Variants in COMMD8 observed in about 807,000 individuals in gnomAD.
COMMD8 encodes the protein COMM domain-containing protein 8.
A neutral mutation model predicts 27.2 loss-of-function variants in COMMD8; 28 were observed. The observed-to-expected ratio is 1.03, with a 90% CI of 0.76 to 1.41. COMMD8 has a LOEUF of 1.41. Ranked by LOEUF, COMMD8 falls within the 40% of genes most tolerant of loss-of-function variation. The pLI is 0.00. For missense variants in COMMD8, 217 were observed against 211.2 expected, an observed-to-expected ratio of 1.03 and a Z score of -0.17; for synonymous variants, 79 against 75.5, an observed-to-expected ratio of 1.05 and a Z score of -0.24.
At chr4:47,460,395 T>C (rs1379911264) in intron 1 of COMMD8, 96 bp from the exon 2 acceptor site, 11 of 976,358 alleles carry the variant, frequency 1.1e-5, no homozygotes, top group Non-Finnish European at 1.7e-5. Context: ...ATGTTCATGT[T>C]ATCTGCAAGA....
intron 3 of COMMD8, among the ~76,000 whole-genome samples, chr4:47,454,177 T>C (rs10031409): frequency 0.043 from 6,576 of 152,300 alleles, 456 homozygotes; most frequent in African/African-American, 0.15. Context: ...TGTGCTACCT[T>C]GAGAAGCGGT....
chr4:47,463,020 A>G (rs1215912365), intron 1 of COMMD8, among the ~76,000 whole-genome samples: 2 of 152,216 alleles, frequency 1.3e-5, no homozygotes, highest in African/African-American at 4.8e-5. Context: ...GACTTCAATG[A>G]AAAACTGGCT....
chr4:47,463,438 C>CG (rs1730119524), intron 1 of COMMD8, 148 bp downstream of exon 1: 1 of 730,450 alleles, frequency 1.4e-6, no homozygotes, highest in Non-Finnish European at 2.2e-6. Flanking sequence ...CCAGGGAAGG[C>CG]GGGGACCAAC....
intron 3 of COMMD8, among the ~76,000 whole-genome samples, chr4:47,455,515 G>T (rs532122553): frequency 1.3e-5 from 2 of 152,002 alleles, no homozygotes; most frequent in Non-Finnish European, 2.9e-5. Context: ...CTCTAGTTTT[G>T]TATCACCTTC....
Position 47,458,083 on chromosome 4 carries a change from T to TA in COMMD8, c.223-1355dup, listed in dbSNP as rs547591115. Among the ~76,000 whole-genome samples, 4 of 152,194 alleles carry TA rather than the reference T, an allele frequency of 2.6e-5. No individual in the cohort carries two copies. In the East Asian group the frequency reaches 7.7e-4, roughly 29 times the overall value. ...CATAAAATTCAATATCCATTCATGG[T>TA]AAAAATTCTCAGCAAAGTTAGAATT... On this transcript the variant is annotated intron_variant, in intron 2 of 4. Coordinates refer to ENST00000381571, the MANE Select transcript of COMMD8 (RefSeq NM_017845.5).
chr4:47,452,880 C>A (rs1462758383), intron 4 of COMMD8, among the ~76,000 whole-genome samples, 179 bp downstream of exon 4: 1 of 152,164 alleles, frequency 6.6e-6, no homozygotes, highest in Non-Finnish European at 1.5e-5. Flanking sequence ...TCTGTAATCT[C>A]AGCTAGTCTG....
At chr4:47,453,026 A>C (rs755896795) in intron 4 of COMMD8, 33 bp downstream of exon 4, 1 of 1,569,034 alleles carries the variant, frequency 6.4e-7, no homozygotes, top group South Asian at 1.2e-5. Context: ...AACCTTAAAC[A>C]TTCAAATCAT....
intron 3 of COMMD8, 134 bp from the exon 4 acceptor site, chr4:47,453,348 AAATT>A: frequency 1.5e-6 from 1 of 648,712 alleles, no homozygotes; most frequent in Non-Finnish European, 2.6e-6. Context: ...TGAAAGAAAT[AAATT>A]AAGTCCATGC....
Position 47,463,589 on chromosome 4 carries a change from C to G in COMMD8, c.63G>C (p.Pro21=), listed in dbSNP as rs751806846. ...TTCCCCCGGTACCCGCCCTCACCTG[C>G]GGGCCCAGCTCGGCCGGCAGCTTCT... is the stretch of plus-strand genomic sequence containing the variant. ...RLQKLPAELG[P]QLLHKIIDGI... The change falls in exon 1 of 5, where the codon CCG becomes CCC. Residue 21 remains proline, a synonymous_variant. Transcript: ENST00000381571. 7 of 1,545,046 alleles carry G rather than the reference C, an allele frequency of 4.5e-6. No individual in the cohort carries two copies. Among genetic ancestry groups the G allele is most frequent in the Non-Finnish European group, 5.2e-6 (6 of 1,146,010 alleles).
chr4:47,463,690 TG>T lies in COMMD8; in HGVS notation c.-40del. 1 of 1,523,364 alleles carries T rather than the reference TG, an allele frequency of 6.6e-7. No homozygotes were observed. Among genetic ancestry groups the T allele is most frequent in the South Asian group, 1.2e-5 (1 of 81,972 alleles). 94.4% of individuals were successfully genotyped at this position (1,523,364 alleles called of 1,614,324 possible). A position where few individuals can be genotyped will look rare whatever the true frequency, so the allele number is the denominator to read the frequency against. ...TGGGGCTTGGGTCACGTGTCAAGGC[TG>T]GCCGCTTGTCTAAAGCTACGACTCG... On this transcript the variant is annotated 5_prime_UTR_variant, in exon 1 of 5. Coordinates refer to ENST00000381571, the MANE Select transcript of COMMD8 (RefSeq NM_017845.5).
intron 4 of COMMD8, 54 bp from the exon 5 acceptor site, chr4:47,451,719 A>G (rs1411230333): frequency 1.5e-6 from 2 of 1,352,746 alleles, no homozygotes; most frequent in Non-Finnish European, 1.0e-6. Flanking sequence ...TGATGCTGAT[A>G]TATTCCATAT....
intron 1 of COMMD8, among the ~76,000 whole-genome samples, chr4:47,460,585 T>C (rs947935597): frequency 6.6e-6 from 1 of 152,348 alleles, no homozygotes; most frequent in Admixed American, 6.5e-5. Flanking sequence ...TCCATATTTA[T>C]AGCAACGACC....
intron 2 of COMMD8, among the ~76,000 whole-genome samples, chr4:47,457,263 C>A (rs756808090): frequency 6.6e-6 from 1 of 152,068 alleles, no homozygotes; most frequent in Non-Finnish European, 1.5e-5. Flanking sequence ...AAATAGAGAA[C>A]GACAGTAAAA....
rs556448793 is a variant in COMMD8 at position 47,454,241 on chromosome 4, T to C, written c.376-1027A>G. ...TTAAAAAGTTCTTCCCCAGGTTGAA[T>C]TGAAACGTATCTTATTGCAAATAAT... On this transcript the variant is annotated intron_variant, in intron 3 of 4. Coordinates refer to ENST00000381571, the MANE Select transcript of COMMD8 (RefSeq NM_017845.5). 1.7e-4 allele frequency among the ~76,000 whole-genome samples: 26 copies of C among 152,364 alleles called. No homozygotes were observed. In the East Asian group the frequency reaches 4.8e-3, roughly 28 times the overall value.
At chr4:47,456,267 CAT>C (rs34279197) in intron 3 of COMMD8, among the ~76,000 whole-genome samples, 3,655 of 118,842 alleles carry the variant, frequency 0.031, 36 homozygotes, top group African/African-American at 0.04. Flanking sequence ...ATAAATTATA[CAT>C]ATATATATAT....
chr4:47,461,743 G>A (rs1281075129), intron 1 of COMMD8, among the ~76,000 whole-genome samples: 2 of 151,636 alleles, frequency 1.3e-5, no homozygotes, highest in Non-Finnish European at 2.9e-5. Context: ...ACCACACTCT[G>A]GACTGATCCT....
intron 2 of COMMD8, among the ~76,000 whole-genome samples, chr4:47,458,113 G>A (rs112671374): frequency 3.9e-5 from 6 of 151,954 alleles, no homozygotes; most frequent in Non-Finnish European, 7.4e-5. Context: ...AGAATTGTAG[G>A]ATGCTTCTTT....
At chr4:47,460,565 T>C (rs917842493) in intron 1 of COMMD8, among the ~76,000 whole-genome samples, 1 of 152,218 alleles carries the variant, frequency 6.6e-6, no homozygotes, top group South Asian at 2.1e-4. Context: ...GGAAGATACA[T>C]ATAAAAGATT....
intron 2 of COMMD8, among the ~76,000 whole-genome samples, chr4:47,458,434 A>G (rs1729943932): frequency 6.6e-6 from 1 of 152,126 alleles, no homozygotes; most frequent in African/African-American, 2.4e-5. Context: ...ACTAGCAAAA[A>G]ACTACTGAAA....
Sources: gnomAD v4.1 joint callset for allele counts (sites outside exome capture counted in the v4.1 genomes callset) on GRCh38, gnomAD v4.1.1 for gene constraint, MANE v1.5 for transcripts, NCBI Gene and HGNC (gene_info 2026-07-23, HGNC 2026-07-21) for gene names.